The following SPIRE1 variants were observed in gnomAD, a reference collection of about 807,000 sequenced individuals.
SPIRE1 encodes protein spire homolog 1.
In SPIRE1, 40 loss-of-function variants were observed where a neutral mutation model predicts 94.1. That is an observed-to-expected ratio of 0.43 (90% CI 0.33 to 0.55). The LOEUF (loss-of-function observed/expected upper bound fraction) is 0.55, where lower values mean the gene tolerates loss of function less well. Ranked by LOEUF, SPIRE1 falls within the 20% of genes least tolerant of loss-of-function variation. The pLI is 0.06. For synonymous variants in SPIRE1, 376 were observed against 371.7 expected, an observed-to-expected ratio of 1.01 and a Z score of -0.13; for missense variants, 838 against 975.2, an observed-to-expected ratio of 0.86 and a Z score of 1.87.
chr18:12,545,643 T>G (rs916501214), intron 3 of SPIRE1, among the ~76,000 whole-genome samples: 1 of 152,172 alleles, frequency 6.6e-6, no homozygotes, highest in Non-Finnish European at 1.5e-5. Context: ...TTCAAGTACA[T>G]AGCAAAATTT....
chr18:12,451,850 A>G (rs1012650716), intron 16 of SPIRE1, among the ~76,000 whole-genome samples: 1 of 152,230 alleles, frequency 6.6e-6, no homozygotes, highest in African/African-American at 2.4e-5. Context: ...AATAATAGTA[A>G]AGTCAGTCAA....
chr18:12,656,917 G>A (rs748391580), intron 1 of SPIRE1, among the ~76,000 whole-genome samples: 10 of 152,200 alleles, frequency 6.6e-5, no homozygotes, highest in Non-Finnish European at 1.5e-4. Flanking sequence ...CTAACGTCCA[G>A]GAGCCAAAAA....
chr18:12,511,213 G>A (rs555620995), intron 5 of SPIRE1, among the ~76,000 whole-genome samples: 167 of 152,310 alleles, frequency 1.1e-3, no homozygotes, highest in African/African-American at 3.9e-3. Flanking sequence ...TAAGGCAGGG[G>A]TTTGCAACCC....
chr18:12,497,259 C>T (rs900084986), intron 6 of SPIRE1, among the ~76,000 whole-genome samples: 1 of 152,170 alleles, frequency 6.6e-6, no homozygotes, highest in African/African-American at 2.4e-5. Context: ...TCTGATTCTA[C>T]TCTAATGTCC....
At chr18:12,472,060 T>C (rs1035493552) in intron 10 of SPIRE1, among the ~76,000 whole-genome samples, 3 of 151,914 alleles carry the variant, frequency 2.0e-5, no homozygotes, top group East Asian at 1.9e-4. Flanking sequence ...GCTGGGATTA[T>C]AGGTGTGAGC....
At chr18:12,650,179 C>T (rs2038337069) in intron 1 of SPIRE1, among the ~76,000 whole-genome samples, 1 of 152,022 alleles carries the variant, frequency 6.6e-6, no homozygotes. Flanking sequence ...GCGAAGGTTG[C>T]AGTGACCCGA....
At chr18:12,562,845 C>T (rs1370330533) in intron 2 of SPIRE1, among the ~76,000 whole-genome samples, 1 of 151,916 alleles carries the variant, frequency 6.6e-6, no homozygotes, top group Admixed American at 6.6e-5. Flanking sequence ...AACACAACTT[C>T]TAAGATTATA....
At chr18:12,567,497 A>G (rs1378216186) in intron 2 of SPIRE1, among the ~76,000 whole-genome samples, 3 of 152,218 alleles carry the variant, frequency 2.0e-5, no homozygotes, top group Non-Finnish European at 2.9e-5. Context: ...GACCCAGAAT[A>G]GCCCACATAA....
intron 7 of SPIRE1, among the ~76,000 whole-genome samples, chr18:12,494,681 CAAA>C (rs2033378262): frequency 6.8e-6 from 1 of 147,292 alleles, no homozygotes; most frequent in African/African-American, 2.5e-5. Context: ...AAAAAAAATA[CAAA>C]AAAAATTAGC....
At chr18:12,502,860 C>G (rs1045200344) in intron 6 of SPIRE1, among the ~76,000 whole-genome samples, 5 of 152,066 alleles carry the variant, frequency 3.3e-5, no homozygotes, top group Non-Finnish European at 5.9e-5. Flanking sequence ...GTAATCCCAG[C>G]AGTTTGGGAG....
chr18:12,457,795 G>T (rs2031584901), intron 12 of SPIRE1, among the ~76,000 whole-genome samples: 1 of 150,906 alleles, frequency 6.6e-6, no homozygotes. Context: ...TAAAATTTTG[G>T]TTATTGTGCC....
At chr18:12,469,201 T>C (rs1302133316) in intron 10 of SPIRE1, among the ~76,000 whole-genome samples, 1 of 152,156 alleles carries the variant, frequency 6.6e-6, no homozygotes, top group East Asian at 1.9e-4. Context: ...TAAAATCTTT[T>C]TATTTATTAT....
At chr18:12,635,877 GT>G (rs1235472814) in intron 1 of SPIRE1, among the ~76,000 whole-genome samples, 1 of 150,996 alleles carries the variant, frequency 6.6e-6, no homozygotes, top group Admixed American at 6.6e-5. Flanking sequence ...AGAAAATTGG[GT>G]TTTTTTGGTT....
At chr18:12,475,301 G>A (rs376346736) in intron 10 of SPIRE1, among the ~76,000 whole-genome samples, 28 of 152,276 alleles carry the variant, frequency 1.8e-4, no homozygotes, top group African/African-American at 5.8e-4. Flanking sequence ...GACCTCTGCC[G>A]TCTCTGGACT....
At chr18:12,600,026 T>G (rs553844396) in intron 2 of SPIRE1, among the ~76,000 whole-genome samples, 3 of 150,948 alleles carry the variant, frequency 2.0e-5, no homozygotes, top group Non-Finnish European at 4.4e-5. Flanking sequence ...AGTGGCCACG[T>G]TGGGAACCCA....
chr18:12,597,157 TACACAC>T (rs58238813), intron 2 of SPIRE1, among the ~76,000 whole-genome samples: 16,825 of 143,974 alleles, frequency 0.12, 1,160 homozygotes, highest in African/African-American at 0.19. Context: ...TGTCTCTTTC[TACACAC>T]ACACACACAC....
At chr18:12,530,906 A>G (rs2034662241) in intron 4 of SPIRE1, among the ~76,000 whole-genome samples, 1 of 152,190 alleles carries the variant, frequency 6.6e-6, no homozygotes, top group South Asian at 2.1e-4. Flanking sequence ...GAATTTGGTG[A>G]GCATACTGCA....
intron 4 of SPIRE1, among the ~76,000 whole-genome samples, chr18:12,531,431 T>C (rs1474470868): frequency 6.6e-6 from 1 of 152,220 alleles, no homozygotes. Context: ...ACTCTCTCTT[T>C]AGTTTCATCT....
At chr18:12,620,701 T>C (rs1368587634) in intron 2 of SPIRE1, among the ~76,000 whole-genome samples, 1 of 152,070 alleles carries the variant, frequency 6.6e-6, no homozygotes, top group Non-Finnish European at 1.5e-5. Flanking sequence ...TATAAAACTC[T>C]CAGATGAAAA....
Sources: gnomAD v4.1 joint callset for allele counts (sites outside exome capture counted in the v4.1 genomes callset) on GRCh38, gnomAD v4.1.1 for gene constraint, MANE v1.5 for transcripts, NCBI Gene and HGNC (gene_info 2026-07-23, HGNC 2026-07-21) for gene names.